TTC14: variants seen among roughly 807,000 people sequenced by gnomAD.
The protein encoded by TTC14 is tetratricopeptide repeat domain 14.
TTC14 carries 63 observed loss-of-function variants against 79.9 expected under a neutral mutation model. That is an observed-to-expected ratio of 0.79 (90% CI 0.64 to 0.97). The LOEUF (loss-of-function observed/expected upper bound fraction) is 0.97, where lower values mean the gene tolerates loss of function less well. Among genes scored for constraint, TTC14 ranks in the 50% least tolerant of loss-of-function variants. The probability of loss-of-function intolerance (pLI) is 0.00; values close to 1 mark genes in which losing one functional copy is unlikely to be tolerated. For synonymous variants in TTC14, 335 were observed against 309.6 expected (o/e 1.08, Z -0.86); for missense variants, 895 against 894.0 (o/e 1.00, Z -0.01).
chr3:180,614,811 AC>A (rs1717167061), downstream of TTC14: 2 of 934,216 alleles, frequency 2.1e-6, no homozygotes. Flanking sequence ...TTTTACACTT[AC>A]CACTAAGTTT....
At chr3:180,606,172 G>T in intron 7 of TTC14, 81 bp from the exon 8 acceptor site, 1 of 1,569,506 alleles carries the variant, frequency 6.4e-7, no homozygotes, top group South Asian at 1.2e-5. Flanking sequence ...GATGACATTT[G>T]CTTTTAAAAC....
At chr3:180,605,947 G>A in intron 7 of TTC14, 110 bp downstream of exon 7, 1 of 1,120,078 alleles carries the variant, frequency 8.9e-7, no homozygotes. Flanking sequence ...TTAAAGTGAT[G>A]CCTTTTTGAC....
Position 180,609,760 on chromosome 3 carries a change from G to T in TTC14, c.1531G>T (p.Glu511Ter). The stretch of plus-strand genomic sequence containing the variant: ...TAAGAAACATAAGAGGAACCGTTCA[G>T]AGTCTTCTCGCAGTTCCAGAAGGCA... Reference protein sequence around the residue: ...RHKKHKRNRSESSRSSRRHSS... With the variant: ...RHKKHKRNRS Residue 511 changes from glutamate (E) to a stop codon, truncating the protein, a stop_gained, in exon 12 of 12, where the codon GAG becomes TAG. Coordinates refer to ENST00000296015, the MANE Select transcript of TTC14 (RefSeq NM_133462.4). LOFTEE classifies it high-confidence loss of function. 1.9e-6 allele frequency: 3 copies of T among 1,613,992 alleles called. No individual in the cohort carries two copies. The highest frequency in any genetic ancestry group is 2.5e-6 in the Non-Finnish European group (3 of 1,179,938).
In TTC14 at chr3:180,610,444, G is replaced by C. The variant is rs1281553879; in HGVS notation, c.2215G>C (p.Glu739Gln). 3.1e-6 allele frequency: 5 copies of C among 1,612,562 alleles called. No individual in the cohort carries two copies. Among genetic ancestry groups the C allele is most frequent in the Non-Finnish European group, 4.2e-6 (5 of 1,179,356 alleles). ...TGCACTAAGTAGCAAAGAACACTCA[G>C]AAAGCAGTGTTAAGAAAAATTTACC... The part of the protein sequence containing the change: ...EDALSSKEHS[E>Q]SSVKKNLPQN... Residue 739 changes from glutamate to glutamine, a missense_variant, in exon 12 of 12, where the codon GAA becomes CAA. Glu to Gln is a conservative substitution (Grantham distance 29). Transcript: ENST00000296015.
At chr3:180,617,574 G>A (rs903950002) in exon 13 of TTC14, 20 of 539,022 alleles carry the variant, frequency 3.7e-5, no homozygotes, top group South Asian at 9.4e-5. Context: ...GTAGGCTTAG[G>A]TTTATGTGTG....
chr3:180,609,972 A>G lies in TTC14; in HGVS notation c.1743A>G (p.Ser581=), dbSNP rs200687783. ...AGAAAGATAGATGCCCTCTCTCTTC[A>G]TCTTCACTTGAAATACCGGATGATT... The part of the protein sequence containing the change: ...IKEKDRCPLS[S]SSLEIPDDFG... Residue 581 remains serine (S), a synonymous_variant, in exon 12 of 12, where the codon TCA becomes TCG. Transcript: ENST00000296015. 6.2e-7 allele frequency: 1 copy of G among 1,614,114 alleles called. No individual in the cohort carries two copies. The highest frequency in any genetic ancestry group is 2.2e-5 in the East Asian group (1 of 44,870).
intron 10 of TTC14, 172 bp from the exon 11 acceptor site, chr3:180,608,529 C>T (rs1716817028): frequency 4.1e-6 from 5 of 1,217,346 alleles, no homozygotes; most frequent in Non-Finnish European, 5.2e-6. Flanking sequence ...TAATGCCAAA[C>T]ATCTGTATGA....
chr3:180,610,761 A>AC lies in TTC14; in HGVS notation c.*220dup. The AC allele has an allele frequency of 8.6e-7, 1 of 1,163,884 alleles. No homozygotes were observed. Among genetic ancestry groups the AC allele is most frequent in the Non-Finnish European group, 1.1e-6 (1 of 942,116 alleles). 72.1% of individuals were successfully genotyped at this position (1,163,884 alleles called of 1,614,324 possible). ...AGACTTTTTATGTATATGTTTATGT[A>AC]CAGTATATTACTCTTGACAGTTTGA... On this transcript the variant is annotated 3_prime_UTR_variant, in exon 12 of 12. Transcript: ENST00000296015.
At chr3:180,603,428 G>A (rs2108390160) in intron 3 of TTC14, 105 bp downstream of exon 3, 1 of 988,094 alleles carries the variant, frequency 1.0e-6, no homozygotes. Context: ...CTGCCAAGAT[G>A]CTTTTGGAAA....
intron 1 of TTC14, 65 bp from the exon 2 acceptor site, chr3:180,602,826 G>C: frequency 1.3e-6 from 2 of 1,524,572 alleles, no homozygotes; most frequent in Non-Finnish European, 1.8e-6. Flanking sequence ...GCCATAAGCA[G>C]AAGGTTAGAA....
chr3:180,609,934 A>G lies in TTC14; in HGVS notation c.1705A>G (p.Thr569Ala). ...GKQDRLQYEK[T>A]QIKEKDRCPL... ...GCAGGATAGGTTACAGTATGAAAAG[A>G]CACAGATAAAAGAGAAAGATAGATG... Residue 569 changes from threonine to alanine, a missense_variant, in exon 12 of 12, where the codon ACA becomes GCA. Thr to Ala is a moderately conservative substitution (Grantham distance 58). Transcript: ENST00000296015. The G allele has an allele frequency of 6.2e-7, 1 of 1,614,088 alleles. No homozygotes were observed. Among genetic ancestry groups the G allele is most frequent in the Non-Finnish European group, 8.5e-7 (1 of 1,179,960 alleles).
Position 180,610,934 on chromosome 3 carries a change from ATTTTC to A in TTC14, c.*399_*403del, listed in dbSNP as rs1358987301. 2.0e-5 allele frequency: 20 copies of A among 978,688 alleles called. No homozygotes were observed. The Admixed American group carries it at 4.3e-4, about 21-fold the overall frequency. 60.6% of individuals were successfully genotyped at this position (978,688 alleles called of 1,614,324 possible). On this transcript the variant is annotated 3_prime_UTR_variant, in exon 12 of 12. Coordinates refer to ENST00000296015, the MANE Select transcript of TTC14 (RefSeq NM_133462.4). ...GATCATTTTTATAAAAATTAATTTC[ATTTTC>A]TTTTCTGTTAAATTAAAAATCGTCA...
At chr3:180,616,186 GC>G in intron 12 of TTC14, 1 of 985,244 alleles carries the variant, frequency 1.0e-6, no homozygotes, top group Admixed American at 1.9e-5. Flanking sequence ...GAGTGCATGG[GC>G]CTGCCTAACA....
At position 180,609,734 on chromosome 3, in the gene TTC14, A is replaced by G. The variant is rs768450388; in HGVS notation, c.1505A>G (p.His502Arg). ...SSSSSSGHKRHKKHKRNRSES... is the reference protein window; with the variant it reads ...SSSSSSGHKRRKKHKRNRSES... ...TCTTCCTCTTCTGGTCACAAAAGGCATAAGAAACATAAGAGGAACCGTTCA... is the reference window on the plus strand; with the variant it reads ...TCTTCCTCTTCTGGTCACAAAAGGCGTAAGAAACATAAGAGGAACCGTTCA... Residue 502 changes from histidine to arginine, a missense_variant, in exon 12 of 12, where the codon CAT (histidine) becomes CGT (arginine). His to Arg is a conservative substitution (Grantham distance 29, BLOSUM62 0). Coordinates refer to ENST00000296015, the MANE Select transcript of TTC14 (RefSeq NM_133462.4). 2 of 1,613,938 alleles carry G rather than the reference A, an allele frequency of 1.2e-6. No homozygotes were observed. Among genetic ancestry groups the G allele is most frequent in the Non-Finnish European group, 1.7e-6 (2 of 1,179,894 alleles).
intron 7 of TTC14, 101 bp downstream of exon 7, chr3:180,605,938 T>A: frequency 8.5e-7 from 1 of 1,180,220 alleles, no homozygotes; most frequent in Non-Finnish European, 1.2e-6. Context: ...TGAGATGCAT[T>A]AAAGTGATGC....
chr3:180,602,461 G>T (rs770875185), intron 1 of TTC14, 39 bp downstream of exon 1: 1 of 1,556,522 alleles, frequency 6.4e-7, no homozygotes. Context: ...CGGAAGAGGG[G>T]ACGCAGCTCT....
intron 12 of TTC14, chr3:180,616,419 A>C (rs1350167235): frequency 6.6e-7 from 1 of 1,521,426 alleles, no homozygotes; most frequent in African/African-American, 1.4e-5. Flanking sequence ...TTAGAAGATA[A>C]ATATTTTTAA....
chr3:180,607,734 A>G lies in TTC14; in HGVS notation c.1259A>G (p.Asp420Gly). ...GATGAGACTTTTAAAGATGCAGAGG[A>G]TGCTTTGCAGAAACTTCATAAATAT... Reference protein sequence around the residue: ...ALDETFKDAEDALQKLHKYMQ... With the variant: ...ALDETFKDAEGALQKLHKYMQ... Residue 420 changes from aspartate to glycine, a missense_variant, in exon 10 of 12, where the codon GAT becomes GGT. Asp to Gly is a moderately conservative substitution (Grantham distance 94). Transcript: ENST00000296015. 6.2e-7 allele frequency: 1 copy of G among 1,611,900 alleles called. No homozygotes were observed. The highest frequency in any genetic ancestry group is 8.5e-7 in the Non-Finnish European group (1 of 1,179,060).
Position 180,604,840 on chromosome 3 carries a change from T to C in TTC14, c.702-12T>C. 1 of 1,588,636 alleles carries C rather than the reference T, an allele frequency of 6.3e-7. No individual in the cohort carries two copies. Among genetic ancestry groups the C allele is most frequent in the Non-Finnish European group, 8.5e-7 (1 of 1,170,542 alleles). On this transcript the variant is annotated splice_polypyrimidine_tract_variant and intron_variant, in intron 5 of 11. Coordinates refer to ENST00000296015, the MANE Select transcript of TTC14 (RefSeq NM_133462.4). ...AGTCATTTTACAATTTTTGTGTTTG[T>C]ATTTTTTTAAGGAGAAGTGTTGAGC... is the stretch of plus-strand genomic sequence containing the variant.
Sources: gnomAD v4.1 joint callset for allele counts on GRCh38, gnomAD v4.1.1 for gene constraint, MANE v1.5 for transcripts, NCBI Gene and HGNC (gene_info 2026-07-23, HGNC 2026-07-21) for gene names.